Variants in NALF1 observed in about 807,000 individuals in gnomAD.
NALF1 encodes family with sequence similarity 155 member A.
NALF1 carries 3 observed loss-of-function variants against 48.4 expected under a neutral mutation model. That is an observed-to-expected ratio of 0.06 (90% CI 0.03 to 0.16). The LOEUF (loss-of-function observed/expected upper bound fraction) is 0.16, where lower values mean the gene tolerates loss of function less well. Among genes scored for constraint, NALF1 ranks in the 10% least tolerant of loss-of-function variants. The pLI is 1.00. For synonymous variants in NALF1, 262 were observed against 245.7 expected, an observed-to-expected ratio of 1.07 and a Z score of -0.62; for missense variants, 526 against 571.5, an observed-to-expected ratio of 0.92 and a Z score of 0.81.
At chr13:107,409,215 C>T (rs1022022397) in intron 1 of NALF1, among the ~76,000 whole-genome samples, 8 of 152,236 alleles carry the variant, frequency 5.3e-5, no homozygotes, top group Admixed American at 1.3e-4. Flanking sequence ...AATTCAACAT[C>T]ATTTATTTAT....
chr13:107,165,698 CTTAG>C lies in NALF1; in HGVS notation c.*4795_*4798del, dbSNP rs995378283. On this transcript the variant is annotated 3_prime_UTR_variant, in exon 3 of 3. Transcript: ENST00000375915. ...ATGAAGACATTGCTTGAAAACTATA[CTTAG>C]TTATTTTCCTTCCCCCCCACTGAAA... 4.6e-5 allele frequency: 7 copies of C among 152,166 alleles called. No individual in the cohort carries two copies. The highest frequency in any genetic ancestry group is 1.2e-4 in the African/African-American group (5 of 41,510). 9.4% of individuals were successfully genotyped at this position (152,166 alleles called of 1,614,324 possible).
At chr13:107,417,308 T>C (rs1884107140) in intron 1 of NALF1, among the ~76,000 whole-genome samples, 1 of 152,194 alleles carries the variant, frequency 6.6e-6, no homozygotes, top group Non-Finnish European at 1.5e-5. Context: ...GAGTGAGTTC[T>C]TGTTCTATCA....
At chr13:107,668,309 A>G (rs1880909915) in intron 1 of NALF1, among the ~76,000 whole-genome samples, 1 of 152,054 alleles carries the variant, frequency 6.6e-6, no homozygotes, top group Non-Finnish European at 1.5e-5. Context: ...TGAGGTTTGG[A>G]AAGTCCCTGA....
At chr13:107,393,256 G>C (rs1278626059) in intron 1 of NALF1, among the ~76,000 whole-genome samples, 1 of 152,006 alleles carries the variant, frequency 6.6e-6, no homozygotes, top group African/African-American at 2.4e-5. Context: ...AGCTTATTCA[G>C]CTTTCCAAAA....
chr13:107,451,614 T>C (rs1251177184), intron 1 of NALF1, among the ~76,000 whole-genome samples: 1 of 152,172 alleles, frequency 6.6e-6, no homozygotes, highest in Non-Finnish European at 1.5e-5. Flanking sequence ...TTATTCTCTT[T>C]CCTCTTCACT....
chr13:107,555,439 A>ATTTT (rs34486058), intron 1 of NALF1, among the ~76,000 whole-genome samples: 24 of 69,960 alleles, frequency 3.4e-4, no homozygotes, highest in East Asian at 1.1e-3. Context: ...AGCCTGGCTA[A>ATTTT]TTTTTTTTTT....
At chr13:107,487,546 C>T (rs565013077) in intron 1 of NALF1, among the ~76,000 whole-genome samples, 2 of 152,082 alleles carry the variant, frequency 1.3e-5, no homozygotes, top group Non-Finnish European at 2.9e-5. Flanking sequence ...AAACACTGTG[C>T]AAGATTTTGT....
At chr13:107,628,366 T>A (rs1879737697) in intron 1 of NALF1, among the ~76,000 whole-genome samples, 1 of 152,122 alleles carries the variant, frequency 6.6e-6, no homozygotes, top group African/African-American at 2.4e-5. Flanking sequence ...ACACTATATA[T>A]CCCAGTTCCC....
At chr13:107,733,392 G>A (rs1422261892) in intron 1 of NALF1, among the ~76,000 whole-genome samples, 1 of 152,100 alleles carries the variant, frequency 6.6e-6, no homozygotes, top group African/African-American at 2.4e-5. Context: ...CAATTGTGAG[G>A]GCCCCTGTGT....
At position 107,369,538 on chromosome 13, in the gene NALF1, ATAGAT is replaced by A. The variant is rs1316632586; in HGVS notation, c.916-158788_916-158784del. 5.9e-5 allele frequency among the ~76,000 whole-genome samples: 9 copies of A among 152,258 alleles called. 1 individual carries two copies. The highest frequency in any genetic ancestry group is 4.4e-5 in the Non-Finnish European group (3 of 68,022). ...TAGTATATACTTAATAATAAGTTTA[ATAGAT>A]TAATGAAATAATAAATTAAAGATTT... On this transcript the variant is annotated intron_variant, in intron 1 of 2. Transcript: ENST00000375915.
intron 1 of NALF1, among the ~76,000 whole-genome samples, chr13:107,828,227 T>C (rs1188683459): frequency 6.6e-6 from 1 of 152,202 alleles, no homozygotes; most frequent in Non-Finnish European, 1.5e-5. Flanking sequence ...TGAAGGTCCC[T>C]TTTAGTAGCA....
chr13:107,734,953 T>C (rs973450197), intron 1 of NALF1, among the ~76,000 whole-genome samples: 2 of 152,146 alleles, frequency 1.3e-5, no homozygotes, highest in African/African-American at 4.8e-5. Flanking sequence ...AGTAAATTGG[T>C]GGCTAACCAG....
intron 1 of NALF1, among the ~76,000 whole-genome samples, chr13:107,334,258 A>C (rs1232821150): frequency 6.6e-6 from 1 of 152,020 alleles, no homozygotes; most frequent in Non-Finnish European, 1.5e-5. Flanking sequence ...CTAAACAGAA[A>C]CCCCAGAATA....
chr13:107,768,259 T>A (rs963212644), intron 1 of NALF1, among the ~76,000 whole-genome samples: 12 of 152,196 alleles, frequency 7.9e-5, no homozygotes, highest in Admixed American at 7.9e-4. Flanking sequence ...AAATGGATAG[T>A]AATTTGTTTC....
chr13:107,785,060 CTGTGTATGTGTG>C (rs926045803), intron 1 of NALF1, among the ~76,000 whole-genome samples: 2 of 151,036 alleles, frequency 1.3e-5, no homozygotes, highest in African/African-American at 4.9e-5. Flanking sequence ...GTGTATGTGT[CTGTGTATGTGTG>C]TGTGTATGTA....
At chr13:107,519,329 C>G (rs1018383505) in intron 1 of NALF1, among the ~76,000 whole-genome samples, 5 of 150,940 alleles carry the variant, frequency 3.3e-5, no homozygotes, top group African/African-American at 1.2e-4. Flanking sequence ...GAAGAGAATT[C>G]TTACGTTATA....
intron 1 of NALF1, among the ~76,000 whole-genome samples, chr13:107,476,563 T>C (rs531241309): frequency 6.6e-5 from 10 of 152,294 alleles, no homozygotes; most frequent in African/African-American, 2.4e-4. Flanking sequence ...CTCTATTATT[T>C]TGATACCTGA....
chr13:107,633,257 A>G (rs995761414), intron 1 of NALF1, among the ~76,000 whole-genome samples: 16 of 152,134 alleles, frequency 1.1e-4, no homozygotes, highest in Non-Finnish European at 2.1e-4. Context: ...ATAAAACACA[A>G]TATAAGATGT....
chr13:107,479,398 T>A (rs950264892), intron 1 of NALF1, among the ~76,000 whole-genome samples: 2 of 152,138 alleles, frequency 1.3e-5, no homozygotes, highest in Non-Finnish European at 2.9e-5. Flanking sequence ...CTTATATTCA[T>A]CTCCTATATT....
Sources: allele counts gnomAD v4.1 joint callset (sites outside exome capture counted in the v4.1 genomes callset), GRCh38; gene constraint gnomAD v4.1.1; transcripts MANE v1.5; gene names NCBI Gene and HGNC (gene_info 2026-07-23, HGNC 2026-07-21).